The following HYCC2 variants were observed in gnomAD, a reference collection of about 807,000 sequenced individuals.
HYCC2 encodes hyccin PI4KA lipid kinase complex subunit 2.
the HYCC2 span, chr2:201,022,919 G>C: frequency 6.2e-7 from 1 of 1,612,428 alleles, no homozygotes; most frequent in African/African-American, 1.3e-5. Context: ...GGTGATCTGA[G>C]TGTCAGGTAA....
the HYCC2 span, among the ~76,000 whole-genome samples, chr2:201,065,878 T>C: frequency 6.6e-6 from 1 of 152,160 alleles, no homozygotes; most frequent in Non-Finnish European, 1.5e-5. Context: ...CCATCATATT[T>C]GGATGCTAAT....
At chr2:201,047,465 T>TATATAC in the HYCC2 span, among the ~76,000 whole-genome samples, 1 of 148,806 alleles carries the variant, frequency 6.7e-6, no homozygotes, top group African/African-American at 2.5e-5. Context: ...TATATATATA[T>TATATAC]ACACACACAC....
chr2:201,028,593 A>C, the HYCC2 span, among the ~76,000 whole-genome samples: 4 of 152,224 alleles, frequency 2.6e-5, no homozygotes, highest in Admixed American at 1.3e-4. Context: ...CCAAAACAGC[A>C]TGGTACTGGT....
At chr2:200,987,744 G>A in the HYCC2 span, among the ~76,000 whole-genome samples, 1 of 152,062 alleles carries the variant, frequency 6.6e-6, no homozygotes, top group Non-Finnish European at 1.5e-5. Flanking sequence ...GAAAAATCAG[G>A]ATCATTAAAA....
the HYCC2 span, among the ~76,000 whole-genome samples, chr2:201,027,356 C>G: frequency 6.6e-6 from 1 of 152,058 alleles, no homozygotes; most frequent in African/African-American, 2.4e-5. Context: ...CAGGACCAGA[C>G]GGATTCACAG....
the HYCC2 span, among the ~76,000 whole-genome samples, chr2:201,066,031 A>G: frequency 3.9e-5 from 6 of 152,206 alleles, no homozygotes; most frequent in South Asian, 1.2e-3. Context: ...AATACTGCAA[A>G]TTCAAATTAA....
the HYCC2 span, chr2:200,992,508 A>G: frequency 4.4e-6 from 3 of 680,306 alleles, no homozygotes; most frequent in East Asian, 2.6e-5. Flanking sequence ...TTTATAAACT[A>G]TCCCACTTTT....
the HYCC2 span, chr2:201,022,141 G>A: frequency 7.9e-7 from 1 of 1,267,346 alleles, no homozygotes; most frequent in African/African-American, 1.5e-5. Flanking sequence ...CTACTTTCCT[G>A]TGTGTTCCTT....
the HYCC2 span, chr2:200,979,898 C>A: frequency 1.3e-5 from 2 of 152,568 alleles, no homozygotes; most frequent in Admixed American, 1.3e-4. Context: ...TTAGCAGTTA[C>A]CAAATGCTAC....
the HYCC2 span, chr2:201,011,347 A>T: frequency 1.8e-6 from 2 of 1,109,642 alleles, no homozygotes; most frequent in Non-Finnish European, 2.6e-6. Flanking sequence ...TTGATTTGTT[A>T]CTCAATATAA....
chr2:200,995,401 TC>T, the HYCC2 span, among the ~76,000 whole-genome samples: 1,838 of 152,268 alleles, frequency 0.012, 22 homozygotes, highest in Middle Eastern at 0.024. Flanking sequence ...GTCATGCCCT[TC>T]CCCTTCAGCA....
the HYCC2 span, among the ~76,000 whole-genome samples, chr2:201,030,081 C>T: frequency 6.6e-6 from 1 of 151,924 alleles, no homozygotes; most frequent in Non-Finnish European, 1.5e-5. Flanking sequence ...AGTGAGACCC[C>T]GTCTCAAAAA....
At chr2:201,002,069 C>T in the HYCC2 span, among the ~76,000 whole-genome samples, 4 of 151,616 alleles carry the variant, frequency 2.6e-5, no homozygotes, top group African/African-American at 9.7e-5. Flanking sequence ...CATGAAAAAC[C>T]AGTGTCAATT....
chr2:200,997,918 C>T, the HYCC2 span, among the ~76,000 whole-genome samples: 3 of 152,146 alleles, frequency 2.0e-5, no homozygotes, highest in Non-Finnish European at 2.9e-5. Flanking sequence ...TGCCTGTAGT[C>T]CCAGCTACTC....
the HYCC2 span, among the ~76,000 whole-genome samples, chr2:201,060,054 CGG>C: frequency 0.12 from 4,522 of 36,580 alleles, 377 homozygotes; most frequent in African/African-American, 0.27. Flanking sequence ...AAAAAAAAAG[CGG>C]GGGGGGGGGG....
the HYCC2 span, among the ~76,000 whole-genome samples, chr2:201,014,661 A>C: frequency 6.6e-6 from 1 of 152,204 alleles, no homozygotes; most frequent in Non-Finnish European, 1.5e-5. Context: ...ACTTCTAGAG[A>C]TGGAAATGTT....
the HYCC2 span, among the ~76,000 whole-genome samples, chr2:201,059,461 G>A: frequency 6.6e-6 from 1 of 152,096 alleles, no homozygotes; most frequent in South Asian, 2.1e-4. Context: ...AAGTGAGATT[G>A]GTGGCTAGGC....
chr2:201,063,047 C>A, the HYCC2 span: 1 of 1,605,278 alleles, frequency 6.2e-7, no homozygotes, highest in South Asian at 1.1e-5. Context: ...CCGTGGACGC[C>A]GCCGAAGAAG....
chr2:200,988,262 C>T, the HYCC2 span: 1 of 1,605,648 alleles, frequency 6.2e-7, no homozygotes, highest in Admixed American at 1.7e-5. Flanking sequence ...TTGTACTCAC[C>T]TTCTCTTCTC....
Sources: gnomAD v4.1 joint callset for allele counts (sites outside exome capture counted in the v4.1 genomes callset) on GRCh38, gnomAD v4.1.1 for gene constraint, MANE v1.5 for transcripts, NCBI Gene and HGNC (gene_info 2026-07-23, HGNC 2026-07-21) for gene names.